The following FIG4 variants were observed in gnomAD, a reference collection of about 807,000 sequenced individuals.
FIG4 encodes the protein FIG4 phosphoinositide 5-phosphatase.
In FIG4, 112 loss-of-function variants were observed where a neutral mutation model predicts 118.6. The observed-to-expected ratio is 0.94, with a 90% CI of 0.81 to 1.11. FIG4 has a LOEUF of 1.11. Ranked by LOEUF, FIG4 falls within the 50% of genes least tolerant of loss-of-function variation. FIG4 has a pLI of 0.00. For missense variants in FIG4, 969 were observed against 1,111.7 expected, an observed-to-expected ratio of 0.87 and a Z score of 1.83; for synonymous variants, 369 against 381.2, an observed-to-expected ratio of 0.97 and a Z score of 0.37.
intron 16 of FIG4, among the ~76,000 whole-genome samples, chr6:109,782,123 G>A (rs1038415443): frequency 1.3e-5 from 2 of 152,082 alleles, no homozygotes; most frequent in African/African-American, 2.4e-5. Flanking sequence ...AACTGAAAAA[G>A]AAAAGAGAAT....
At chr6:109,772,489 T>C (rs1246376212) in intron 15 of FIG4, among the ~76,000 whole-genome samples, 1 of 152,148 alleles carries the variant, frequency 6.6e-6, no homozygotes, top group Non-Finnish European at 1.5e-5. Flanking sequence ...GGAGTTTTGC[T>C]CTCGTTGCCC....
At chr6:109,733,393 T>C (rs1321276576) in intron 5 of FIG4, among the ~76,000 whole-genome samples, 3 of 152,072 alleles carry the variant, frequency 2.0e-5, no homozygotes, top group Non-Finnish European at 4.4e-5. Context: ...ATGCAATTAT[T>C]GTGATAGATG....
At position 109,733,345 on chromosome 6, in the gene FIG4, T is replaced by A. The variant is rs542562288; in HGVS notation, c.497+658T>A. 6.6e-5 allele frequency among the ~76,000 whole-genome samples: 10 copies of A among 152,186 alleles called. No individual in the cohort carries two copies. The South Asian group carries it at 2.1e-3, about 32-fold the overall frequency. ...TTATTACAGCATCATGATAAGTATTTTACTACCATTGACGTGACCAGTATG... is the reference window on the plus strand; with the variant it reads ...TTATTACAGCATCATGATAAGTATTATACTACCATTGACGTGACCAGTATG... On this transcript the variant is annotated intron_variant, in intron 5 of 22. Coordinates refer to ENST00000230124, the MANE Select transcript of FIG4 (RefSeq NM_014845.6).
intron 9 of FIG4, 77 bp from the exon 10 acceptor site, chr6:109,743,598 A>G (rs890831134): frequency 1.7e-6 from 2 of 1,171,192 alleles, no homozygotes; most frequent in African/African-American, 3.0e-5. Context: ...CATTTCTTTA[A>G]AAAAACAACC....
At chr6:109,743,001 T>C (rs1218382413) in intron 8 of FIG4, 109 bp from the exon 9 acceptor site, 4 of 990,522 alleles carry the variant, frequency 4.0e-6, no homozygotes, top group East Asian at 2.6e-5. Context: ...TTTCAAAGAA[T>C]AGGAATTATA....
intron 15 of FIG4, among the ~76,000 whole-genome samples, chr6:109,771,778 T>G (rs1392621066): frequency 2.0e-5 from 3 of 152,218 alleles, no homozygotes; most frequent in Non-Finnish European, 4.4e-5. Context: ...GTGGCCCTGC[T>G]CCATCTTAAG....
At chr6:109,802,900 C>CT (rs1294575797) in intron 22 of FIG4, among the ~76,000 whole-genome samples, 5 of 151,316 alleles carry the variant, frequency 3.3e-5, no homozygotes, top group South Asian at 4.2e-4. Context: ...ATGAAAAAAC[C>CT]TTTTTTTTTG....
chr6:109,789,414 T>C (rs1417723015), intron 18 of FIG4, among the ~76,000 whole-genome samples, 180 bp from the exon 19 acceptor site: 1 of 152,194 alleles, frequency 6.6e-6, no homozygotes, highest in Non-Finnish European at 1.5e-5. Context: ...ACTGATAACA[T>C]TGAAATTATC....
intron 7 of FIG4, among the ~76,000 whole-genome samples, 189 bp from the exon 8 acceptor site, chr6:109,741,255 T>C (rs984370633): frequency 6.6e-6 from 1 of 152,306 alleles, no homozygotes; most frequent in South Asian, 2.1e-4. Context: ...GGATATTGCC[T>C]TCCCTTTGTA....
At chr6:109,820,996 T>C (rs572924712) in intron 22 of FIG4, among the ~76,000 whole-genome samples, 5 of 152,268 alleles carry the variant, frequency 3.3e-5, no homozygotes, top group African/African-American at 9.6e-5. Flanking sequence ...CCAGAAATCA[T>C]TGAAGCTGAA....
At position 109,743,320 on chromosome 6, in the gene FIG4, A is replaced by T. The variant is rs753503128; in HGVS notation, c.1039+48A>T. On this transcript the variant is annotated intron_variant, in intron 9 of 22. Transcript: ENST00000230124. Reference sequence around the variant, plus strand: ...TAATAACTCCTGTCCTCACATTTAGAGATAATGAACTGTTGTCACAGAAAT... The same window carrying T: ...TAATAACTCCTGTCCTCACATTTAGTGATAATGAACTGTTGTCACAGAAAT... The T allele has an allele frequency of 1.5e-5, 23 of 1,560,300 alleles. No individual in the cohort carries two copies. The South Asian group carries it at 2.3e-4, about 16-fold the overall frequency.
intron 5 of FIG4, among the ~76,000 whole-genome samples, chr6:109,733,710 G>A (rs549591564): frequency 9.2e-5 from 14 of 151,858 alleles, no homozygotes; most frequent in South Asian, 4.1e-4. Flanking sequence ...TTCCACACAC[G>A]TTTATTGAAT....
intron 22 of FIG4, among the ~76,000 whole-genome samples, chr6:109,808,653 T>TTG (rs1778638264): frequency 6.6e-6 from 1 of 152,166 alleles, no homozygotes; most frequent in Admixed American, 6.6e-5. Context: ...ATTGAAATAA[T>TTG]GACAGACAGA....
intron 1 of FIG4, among the ~76,000 whole-genome samples, chr6:109,707,241 A>T (rs1446739958): frequency 1.5e-4 from 22 of 151,596 alleles, no homozygotes; most frequent in Admixed American, 1.4e-3. Context: ...ATAACTTATC[A>T]GTAAATCAGG....
chr6:109,823,957 T>C (rs1046203146), intron 22 of FIG4, among the ~76,000 whole-genome samples: 1 of 152,184 alleles, frequency 6.6e-6, no homozygotes, highest in Non-Finnish European at 1.5e-5. Context: ...CGTCCCCTTT[T>C]TGTGACCTTC....
At chr6:109,759,483 A>G (rs2128390828) in intron 10 of FIG4, among the ~76,000 whole-genome samples, 1 of 152,322 alleles carries the variant, frequency 6.6e-6, no homozygotes, top group East Asian at 1.9e-4. Flanking sequence ...GTTGTAAGGA[A>G]GATACTGTTT....
At position 109,757,955 on chromosome 6, in the gene FIG4, AAG is replaced by A. The variant is rs200782107; in HGVS notation, c.1138-2290_1138-2289del. Among the ~76,000 whole-genome samples, 638 of 152,246 alleles carry A rather than the reference AAG, an allele frequency of 4.2e-3. 19 individuals carry two copies. Among genetic ancestry groups the A allele is most frequent in the Admixed American group, 0.038 (577 of 15,276 alleles). ...ACTACAAACCACTGCCCAGTGAAATAAGAGAGGGCACAAACAGATGGAAAAAC... is the reference window on the plus strand; with the variant it reads ...ACTACAAACCACTGCCCAGTGAAATAAGAGGGCACAAACAGATGGAAAAAC... On this transcript the variant is annotated intron_variant, in intron 10 of 22. Transcript: ENST00000230124.
chr6:109,822,764 T>C (rs924695952), intron 22 of FIG4, among the ~76,000 whole-genome samples: 3 of 107,420 alleles, frequency 2.8e-5, no homozygotes, highest in Non-Finnish European at 5.8e-5. Flanking sequence ...GGTTGAAGTG[T>C]ATATATATGT....
chr6:109,768,444 C>T lies in FIG4; in HGVS notation c.1750+1549C>T, dbSNP rs532951818. 1.2e-4 allele frequency among the ~76,000 whole-genome samples: 19 copies of T among 152,268 alleles called. No homozygotes were observed. The South Asian group carries it at 2.1e-3, about 17-fold the overall frequency. ...CCTGTCCAACTGTATTAGTTTTCTG[C>T]GCTGTGTAACAAATGACTGTAAATG... On this transcript the variant is annotated intron_variant, in intron 15 of 22. Transcript: ENST00000230124.
Sources: allele counts gnomAD v4.1 joint callset (sites outside exome capture counted in the v4.1 genomes callset), GRCh38; gene constraint gnomAD v4.1.1; transcripts MANE v1.5; gene names NCBI Gene and HGNC (gene_info 2026-07-23, HGNC 2026-07-21).